KIRREL3: variants seen among roughly 807,000 people sequenced by gnomAD.
KIRREL3 encodes kirre like nephrin family adhesion molecule 3.
In KIRREL3, 36 loss-of-function variants were observed where a neutral mutation model predicts 89.7. The observed-to-expected ratio is 0.40, with a 90% confidence interval of 0.31 to 0.53. The LOEUF (loss-of-function observed/expected upper bound fraction) is 0.53, where lower values mean the gene tolerates loss of function less well. KIRREL3 is among the 20% of genes least tolerant of loss of function. KIRREL3 has a pLI of 0.49. For missense variants in KIRREL3, 864 were observed against 1,056.6 expected (o/e 0.82, Z 2.53); for synonymous variants, 445 against 441.4 (o/e 1.01, Z -0.10).
Position 126,710,845 on chromosome 11 carries a change from T to C in KIRREL3, c.56-147933A>G, listed in dbSNP as rs1947727926. Among the ~76,000 whole-genome samples the C allele has an allele frequency of 6.6e-6, 1 of 152,240 alleles. No individual in the cohort carries two copies. Among genetic ancestry groups the C allele is most frequent in the Non-Finnish European group, 1.5e-5 (1 of 68,044 alleles). Reference sequence around the variant, plus strand: ...AACACAAATCTTATTTGGGAGTTGCTAAAACTCAGTAAATATCATTTTAAT... The same window carrying C: ...AACACAAATCTTATTTGGGAGTTGCCAAAACTCAGTAAATATCATTTTAAT... On this transcript the variant is annotated intron_variant, in intron 1 of 16. Transcript: ENST00000525144. The surrounding 1 kb of genome is among the most constrained non-coding windows in gnomAD (Gnocchi z 4.2).
At chr11:126,434,329 G>A (rs1211726607) in intron 13 of KIRREL3, among the ~76,000 whole-genome samples, 1 of 152,234 alleles carries the variant, frequency 6.6e-6, no homozygotes, top group Non-Finnish European at 1.5e-5. Context: ...CAGGAGACAC[G>A]GAGACAGGAG....
At chr11:126,679,497 G>A (rs1296330452) in intron 1 of KIRREL3, among the ~76,000 whole-genome samples, 1 of 152,180 alleles carries the variant, frequency 6.6e-6, no homozygotes, top group Non-Finnish European at 1.5e-5. Flanking sequence ...AGGAGGACAC[G>A]AGTTTTAAGT....
Position 126,562,967 on chromosome 11 carries a change from T to TG in KIRREL3, c.56-56dup. On this transcript the variant is annotated intron_variant, in intron 1 of 16. Coordinates refer to ENST00000525144, the MANE Select transcript of KIRREL3 (RefSeq NM_032531.4). The surrounding 1 kb of genome is among the most constrained non-coding windows in gnomAD (Gnocchi z 4.7). Reference sequence around the variant, plus strand: ...GGAATGGGAACAGGTCAGGCATTGTTGGGGGGCCCTCTGCAGGGGGCTGTG... The same window carrying TG: ...GGAATGGGAACAGGTCAGGCATTGTTGGGGGGGCCCTCTGCAGGGGGCTGTG... The TG allele has an allele frequency of 3.6e-6, 5 of 1,380,972 alleles. No homozygotes were observed. The highest frequency in any genetic ancestry group is 1.7e-5 in the Admixed American group (1 of 58,484). 85.5% of individuals were successfully genotyped at this position (1,380,972 alleles called of 1,614,324 possible).
chr11:126,657,066 A>G (rs1329644410), intron 1 of KIRREL3, among the ~76,000 whole-genome samples: 1 of 151,888 alleles, frequency 6.6e-6, no homozygotes, highest in Admixed American at 6.6e-5. Context: ...AAAAAAAAAG[A>G]AACAAAAAAA....
chr11:126,839,732 G>T (rs1489703549), intron 1 of KIRREL3, among the ~76,000 whole-genome samples: 1 of 152,314 alleles, frequency 6.6e-6, no homozygotes, highest in Admixed American at 6.5e-5. Flanking sequence ...GGGTTCCTCT[G>T]CTGTCACTGT....
At position 126,985,906 on chromosome 11, in the gene KIRREL3, G is replaced by C. The variant is rs1006583755; in HGVS notation, c.55+14549C>G. On this transcript the variant is annotated intron_variant, in intron 1 of 16. Coordinates refer to ENST00000525144, the MANE Select transcript of KIRREL3 (RefSeq NM_032531.4). The surrounding 1 kb of genome is among the most constrained non-coding windows in gnomAD (Gnocchi z 5.3). ...CCCTACTGGATGGGAGAGAGTTAAAGCTGTTGTTTCTGGACACTATATAGC... is the reference window on the plus strand; with the variant it reads ...CCCTACTGGATGGGAGAGAGTTAAACCTGTTGTTTCTGGACACTATATAGC... Among the ~76,000 whole-genome samples, 1 of 152,186 alleles carries C rather than the reference G, an allele frequency of 6.6e-6. No individual in the cohort carries two copies. The highest frequency in any genetic ancestry group is 1.5e-5 in the Non-Finnish European group (1 of 68,042).
In KIRREL3 at chr11:126,706,669, T is replaced by C. The variant is rs574492426; in HGVS notation, c.56-143757A>G. ...TGCTCAAACCTTTCATCTTCGGTTG[T>C]GTAATAAATTTTTAAAAATCATTTA... On this transcript the variant is annotated intron_variant, in intron 1 of 16. Transcript: ENST00000525144. Among the ~76,000 whole-genome samples, 3 of 152,370 alleles carry C rather than the reference T, an allele frequency of 2.0e-5. No individual in the cohort carries two copies. The East Asian group carries it at 5.8e-4, about 29-fold the overall frequency.
chr11:126,868,150 T>G (rs1313079658), intron 1 of KIRREL3, among the ~76,000 whole-genome samples: 1 of 151,800 alleles, frequency 6.6e-6, no homozygotes, highest in Non-Finnish European at 1.5e-5. Context: ...AATTAACCAG[T>G]CAGATGTCTA....
rs7950302 is a variant in KIRREL3 at position 126,811,098 on chromosome 11, A to G, written c.55+189357T>C. ...CACCTGGTGGCCCTGCTGAGGGCCAAATAGGAGTGTTGACATCCCCTTCTA... is the reference window on the plus strand; with the variant it reads ...CACCTGGTGGCCCTGCTGAGGGCCAGATAGGAGTGTTGACATCCCCTTCTA... On this transcript the variant is annotated intron_variant, in intron 1 of 16. Coordinates refer to ENST00000525144, the MANE Select transcript of KIRREL3 (RefSeq NM_032531.4). This position sits in a 1 kb window ranked among gnomAD's most constrained non-coding sequence, Gnocchi z 4.3. Among the ~76,000 whole-genome samples, 2,052 of 152,274 alleles carry G rather than the reference A, an allele frequency of 0.013. 49 individuals carry two copies. Among genetic ancestry groups the G allele is most frequent in the African/African-American group, 0.047 (1,943 of 41,546 alleles).
intron 1 of KIRREL3, among the ~76,000 whole-genome samples, chr11:126,649,685 C>T (rs996167111): frequency 3.3e-5 from 5 of 152,178 alleles, no homozygotes; most frequent in Non-Finnish European, 7.4e-5. Context: ...GTACAGCCTC[C>T]CTCCCAGCTG....
chr11:126,543,864 G>C (rs1038858023), intron 2 of KIRREL3: 1 of 152,338 alleles, frequency 6.6e-6, no homozygotes, highest in Non-Finnish European at 1.5e-5. Context: ...TGGGCTGGGT[G>C]AATAATGACT....
In KIRREL3 at chr11:126,931,715, A is replaced by G. The variant is rs1343716249; in HGVS notation, c.55+68740T>C. On this transcript the variant is annotated intron_variant, in intron 1 of 16. Coordinates refer to ENST00000525144, the MANE Select transcript of KIRREL3 (RefSeq NM_032531.4). This position sits in a 1 kb window ranked among gnomAD's most constrained non-coding sequence, Gnocchi z 5.1. ...ATTCTTCCTTACAGCATTCTGGGGA[A>G]GATTATCACCAGTTTACAGACAGTA... Among the ~76,000 whole-genome samples, 1 of 152,216 alleles carries G rather than the reference A, an allele frequency of 6.6e-6. No individual in the cohort carries two copies. Among genetic ancestry groups the G allele is most frequent in the Non-Finnish European group, 1.5e-5 (1 of 68,042 alleles).
intron 1 of KIRREL3, among the ~76,000 whole-genome samples, chr11:126,588,024 A>G (rs924349009): frequency 6.6e-6 from 1 of 152,166 alleles, no homozygotes; most frequent in Non-Finnish European, 1.5e-5. Context: ...GCCATGAGGT[A>G]GATTGGGGAC....
rs1032681834 is a variant in KIRREL3 at position 126,564,040 on chromosome 11, G to C, written c.56-1128C>G. Among the ~76,000 whole-genome samples, 1 of 152,182 alleles carries C rather than the reference G, an allele frequency of 6.6e-6. No homozygotes were observed. The highest frequency in any genetic ancestry group is 2.4e-5 in the African/African-American group (1 of 41,450). On this transcript the variant is annotated intron_variant, in intron 1 of 16. Transcript: ENST00000525144. The surrounding 1 kb of genome is among the most constrained non-coding windows in gnomAD (Gnocchi z 7.4). Reference sequence around the variant, plus strand: ...CAAATGTGTCAGCTGCCACAAACTTGGTAAATAGATAAGGAATTTGATTTC... The same window carrying C: ...CAAATGTGTCAGCTGCCACAAACTTCGTAAATAGATAAGGAATTTGATTTC...
At chr11:126,923,052 T>C (rs1054984580) in intron 1 of KIRREL3, among the ~76,000 whole-genome samples, 9 of 152,158 alleles carry the variant, frequency 5.9e-5, no homozygotes, top group Non-Finnish European at 2.9e-5. Context: ...TCCTCCTCCT[T>C]CTCTGGATGT....
intron 1 of KIRREL3, among the ~76,000 whole-genome samples, chr11:126,767,003 G>T (rs926793470): frequency 6.6e-6 from 1 of 152,190 alleles, no homozygotes; most frequent in Non-Finnish European, 1.5e-5. Flanking sequence ...GTACTTGGTG[G>T]CTCTTTGTGG....
chr11:126,877,301 C>G lies in KIRREL3; in HGVS notation c.55+123154G>C, dbSNP rs1945328976. 6.6e-6 allele frequency among the ~76,000 whole-genome samples: 1 copy of G among 152,182 alleles called. No homozygotes were observed. Among genetic ancestry groups the G allele is most frequent in the African/African-American group, 2.4e-5 (1 of 41,432 alleles). On this transcript the variant is annotated intron_variant, in intron 1 of 16. Transcript: ENST00000525144. This position sits in a 1 kb window ranked among gnomAD's most constrained non-coding sequence, Gnocchi z 4.9. ...TGGGCTCAGATAGCAAAAGAGCGTTCTATATATACATGCATTTTCAAAATA... is the reference window on the plus strand; with the variant it reads ...TGGGCTCAGATAGCAAAAGAGCGTTGTATATATACATGCATTTTCAAAATA...
Position 126,641,072 on chromosome 11 carries a change from C to T in KIRREL3, c.56-78160G>A, listed in dbSNP as rs1555167463. 6.6e-6 allele frequency among the ~76,000 whole-genome samples: 1 copy of T among 152,168 alleles called. No homozygotes were observed. Among genetic ancestry groups the T allele is most frequent in the Non-Finnish European group, 1.5e-5 (1 of 68,030 alleles). On this transcript the variant is annotated intron_variant, in intron 1 of 16. Coordinates refer to ENST00000525144, the MANE Select transcript of KIRREL3 (RefSeq NM_032531.4). This position sits in a 1 kb window ranked among gnomAD's most constrained non-coding sequence, Gnocchi z 5.0. Reference sequence around the variant, plus strand: ...CCTGGTCTTCTCCCACAGGCCTGCCCCTCTCACGGTCTTCTTCATCTTTGA... The same window carrying T: ...CCTGGTCTTCTCCCACAGGCCTGCCTCTCTCACGGTCTTCTTCATCTTTGA...
intron 1 of KIRREL3, among the ~76,000 whole-genome samples, chr11:126,762,532 A>T (rs562548056): frequency 6.6e-6 from 1 of 152,310 alleles, no homozygotes; most frequent in South Asian, 2.1e-4. Flanking sequence ...AGGTGAGCAG[A>T]AGGGCTGTGT....
Sources: allele counts gnomAD v4.1 joint callset (sites outside exome capture counted in the v4.1 genomes callset), GRCh38; gene constraint gnomAD v4.1.1; non-coding constraint Gnocchi (gnomAD v3.1); transcripts MANE v1.5; gene names NCBI Gene and HGNC (gene_info 2026-07-23, HGNC 2026-07-21).